The following CHSY3 variants were observed in gnomAD, a reference collection of about 807,000 sequenced individuals.
CHSY3 encodes the protein chondroitin sulfate synthase 3, also known as N-acetylgalactosaminyl-proteoglycan 3-beta-glucuronosyltransferase 3.
In CHSY3, 35 loss-of-function variants were observed where a neutral mutation model predicts 67.2. That is an observed-to-expected ratio of 0.52 (90% confidence interval 0.40 to 0.69). The LOEUF (loss-of-function observed/expected upper bound fraction) is 0.69. CHSY3 is among the 30% of genes least tolerant of loss of function. The probability of loss-of-function intolerance (pLI) is 0.00; values close to 1 mark genes in which losing one functional copy is unlikely to be tolerated. For synonymous variants in CHSY3, 474 were observed against 434.7 expected (o/e 1.09, Z -1.12); for missense variants, 1,069 against 1,138.5 (o/e 0.94, Z 0.88).
chr5:130,001,534 G>A (rs1046578320), intron 2 of CHSY3: 74 of 929,398 alleles, frequency 8.0e-5, no homozygotes, highest in Non-Finnish European at 8.7e-5. Context: ...ACCAAGATAC[G>A]CAGGACCCCA....
At chr5:130,172,909 A>G (rs1389393337) in intron 2 of CHSY3, among the ~76,000 whole-genome samples, 1 of 152,208 alleles carries the variant, frequency 6.6e-6, no homozygotes, top group East Asian at 1.9e-4. Context: ...AGTTTCATCC[A>G]TATTGTAGCA....
At chr5:129,943,154 CT>C (rs1016908517) in intron 2 of CHSY3, among the ~76,000 whole-genome samples, 10 of 152,102 alleles carry the variant, frequency 6.6e-5, no homozygotes, top group Non-Finnish European at 1.0e-4. Context: ...AAATAGGTCT[CT>C]TTTCATTATC....
intron 2 of CHSY3, among the ~76,000 whole-genome samples, chr5:129,944,152 A>G (rs913980677): frequency 1.2e-4 from 18 of 152,326 alleles, no homozygotes; most frequent in African/African-American, 3.8e-4. Flanking sequence ...ATTAATCTGT[A>G]AAAGAGACAG....
chr5:130,054,615 A>G (rs1236304208), intron 2 of CHSY3, among the ~76,000 whole-genome samples: 1 of 152,190 alleles, frequency 6.6e-6, no homozygotes, highest in Non-Finnish European at 1.5e-5. Flanking sequence ...GTTTCCTCAC[A>G]TATATAAACT....
intron 2 of CHSY3, among the ~76,000 whole-genome samples, chr5:130,049,038 A>G (rs1276689502): frequency 6.6e-6 from 1 of 152,028 alleles, no homozygotes; most frequent in African/African-American, 2.4e-5. Flanking sequence ...ATGGTGAGTA[A>G]AACCTACTTT....
Position 129,959,539 on chromosome 5 carries a change from C to T in CHSY3, c.1086+51179C>T, listed in dbSNP as rs143196440. 6.0e-4 allele frequency among the ~76,000 whole-genome samples: 92 copies of T among 152,098 alleles called. No homozygotes were observed. The East Asian group carries it at 0.015, about 25-fold the overall frequency. On this transcript the variant is annotated intron_variant, in intron 2 of 2. Coordinates refer to ENST00000305031, the MANE Select transcript of CHSY3 (RefSeq NM_175856.5). ...TTAATTTGCATGTAAAACTATAAGA[C>T]GTTAATTTCAATATCGTTAAATAGG... is the stretch of plus-strand genomic sequence containing the variant.
In CHSY3 at chr5:129,909,372, T is replaced by G. The variant is rs534231262; in HGVS notation, c.1086+1012T>G. ...ATGTCACTTAGTATAGAAGAAACAT[T>G]TTATGAAAATATGTTCCCTGTGAAG... On this transcript the variant is annotated intron_variant, in intron 2 of 2. Transcript: ENST00000305031. 2.0e-5 allele frequency among the ~76,000 whole-genome samples: 3 copies of G among 152,190 alleles called. No individual in the cohort carries two copies. The South Asian group carries it at 6.2e-4, about 32-fold the overall frequency.
chr5:129,948,805 G>A (rs909536533), intron 2 of CHSY3, among the ~76,000 whole-genome samples: 1 of 152,176 alleles, frequency 6.6e-6, no homozygotes, highest in African/African-American at 2.4e-5. Context: ...CCCACCAGCA[G>A]TGTAAAAGTG....
intron 2 of CHSY3, chr5:130,002,197 C>G (rs1398995045): frequency 7.6e-6 from 2 of 262,502 alleles, no homozygotes; most frequent in African/African-American, 4.6e-5. Context: ...TCTATGAAGC[C>G]TATATAGTTA....
chr5:129,905,042 G>C lies in CHSY3; in HGVS notation c.213G>C (p.Arg71=), dbSNP rs1429472873. ...TCCCCCAGCCCCAGTCCCGACCACG[G>C]CAGGAGCAGTCGCCGCCCCCCGCGC... is the stretch of plus-strand genomic sequence containing the variant. ...QPLPQPQSRP[R]QEQSPPPARQ... Residue 71 remains arginine (R), a synonymous_variant, in exon 1 of 3, where the codon CGG becomes CGC. Coordinates refer to ENST00000305031, the MANE Select transcript of CHSY3 (RefSeq NM_175856.5). 6.4e-7 allele frequency: 1 copy of C among 1,553,868 alleles called. No homozygotes were observed. Among genetic ancestry groups the C allele is most frequent in the South Asian group, 1.2e-5 (1 of 85,098 alleles).
chr5:130,107,300 T>C (rs1201299895), intron 2 of CHSY3, among the ~76,000 whole-genome samples: 1 of 151,350 alleles, frequency 6.6e-6, no homozygotes, highest in African/African-American at 2.4e-5. Flanking sequence ...CCTGACCTTC[T>C]TCACAATGTT....
chr5:130,032,809 A>G (rs771421665), intron 2 of CHSY3, among the ~76,000 whole-genome samples: 8 of 152,132 alleles, frequency 5.3e-5, no homozygotes, highest in Non-Finnish European at 1.0e-4. Flanking sequence ...TTCATGTGAG[A>G]TTTAACACCA....
At chr5:130,030,450 T>C (rs1426538134) in intron 2 of CHSY3, among the ~76,000 whole-genome samples, 2 of 152,160 alleles carry the variant, frequency 1.3e-5, no homozygotes, top group African/African-American at 4.8e-5. Context: ...TTGTTAAAAC[T>C]GTATTTTGAG....
At chr5:130,020,461 A>ATATATATATATATATAT (rs1371121130) in intron 2 of CHSY3, among the ~76,000 whole-genome samples, 1 of 79,932 alleles carries the variant, frequency 1.3e-5, no homozygotes, top group Non-Finnish European at 2.2e-5. Flanking sequence ...ATATATATAT[A>ATATATATATATATATAT]TTTTTTTTTT....
intron 2 of CHSY3, among the ~76,000 whole-genome samples, chr5:129,942,783 T>C (rs1021048881): frequency 2.0e-5 from 3 of 152,190 alleles, no homozygotes; most frequent in Admixed American, 2.0e-4. Flanking sequence ...TATGTTTTAT[T>C]TGGTCATGGA....
intron 2 of CHSY3, among the ~76,000 whole-genome samples, chr5:130,164,445 C>T (rs1159463019): frequency 2.6e-5 from 4 of 152,112 alleles, no homozygotes; most frequent in African/African-American, 4.8e-5. Context: ...ATTGAGATGT[C>T]AGGAGAGGAA....
At chr5:129,981,814 G>T (rs1332062967) in intron 2 of CHSY3, among the ~76,000 whole-genome samples, 2 of 152,172 alleles carry the variant, frequency 1.3e-5, no homozygotes, top group Non-Finnish European at 2.9e-5. Flanking sequence ...TCATCACTAT[G>T]TATAATGCTA....
At chr5:130,159,150 T>G (rs1221961618) in intron 2 of CHSY3, among the ~76,000 whole-genome samples, 1 of 144,218 alleles carries the variant, frequency 6.9e-6, no homozygotes, top group Non-Finnish European at 1.5e-5. Flanking sequence ...TAATTCTGCA[T>G]TAAGATTTGT....
intron 2 of CHSY3, among the ~76,000 whole-genome samples, chr5:129,950,327 A>G (rs114433871): frequency 0.015 from 2,290 of 152,280 alleles, 49 homozygotes; most frequent in African/African-American, 0.051. Flanking sequence ...CATACATAAT[A>G]GTGAAAAACT....
Sources: gnomAD v4.1 joint callset for allele counts (sites outside exome capture counted in the v4.1 genomes callset) on GRCh38, gnomAD v4.1.1 for gene constraint, MANE v1.5 for transcripts, NCBI Gene and HGNC (gene_info 2026-07-23, HGNC 2026-07-21) for gene names.